DAND5: variants seen among roughly 807,000 people sequenced by gnomAD.
The protein encoded by DAND5 is DAN domain family member 5.
A neutral mutation model predicts 9.2 loss-of-function variants in DAND5; 8 were observed. The ratio of observed to expected loss-of-function variants is 0.87; its 90% CI spans 0.51 to 1.56. DAND5 has a LOEUF of 1.56. DAND5 is among the 40% of genes most tolerant of loss of function. DAND5 has a pLI of 0.00. For missense variants in DAND5, 244 were observed against 244.7 expected (o/e 1.00, Z 0.02); for synonymous variants, 95 against 101.1 (o/e 0.94, Z 0.36).
chr19:12,972,926 T>A (rs368516761), intron 1 of DAND5, among the ~76,000 whole-genome samples: 6 of 146,466 alleles, frequency 4.1e-5, no homozygotes, highest in East Asian at 2.1e-4. Context: ...GCAGTGGCGC[T>A]ATCTCGGCTC....
intron 1 of DAND5, among the ~76,000 whole-genome samples, chr19:12,973,117 C>T (rs980621362): frequency 3.3e-5 from 5 of 152,152 alleles, no homozygotes; most frequent in Admixed American, 1.3e-4. Flanking sequence ...CCGCCTTGGC[C>T]TCCCAAAGTG....
chr19:12,972,988 G>A (rs368627581), intron 1 of DAND5, among the ~76,000 whole-genome samples: 5 of 146,590 alleles, frequency 3.4e-5, no homozygotes, highest in South Asian at 2.3e-4. Flanking sequence ...TCAGTCTCCC[G>A]AGTAGCTGGG....
At position 12,973,493 on chromosome 19, in the gene DAND5, C is replaced by T; in HGVS notation, c.429C>T (p.Val143=). The T allele has an allele frequency of 1.2e-6, 2 of 1,614,172 alleles. No homozygotes were observed. The highest frequency in any genetic ancestry group is 2.2e-5 in the South Asian group (2 of 91,080). ...CTGGCTCGGACCCCACCCCACTAGT[C>T]CTGTGCAACAGCTGTATGCCTGCTC... is the stretch of plus-strand genomic sequence containing the variant. The part of the protein sequence containing the change: ...YIPGSDPTPL[V]LCNSCMPARK... Residue 143 remains valine (V), a synonymous_variant, in exon 2 of 2, where the codon GTC becomes GTT. Transcript: ENST00000317060.
At position 12,973,574 on chromosome 19, in the gene DAND5, T is replaced by TCGA. The variant is rs1322789430; in HGVS notation, c.513_515dup (p.Arg172dup). 3 of 1,613,922 alleles carry TCGA rather than the reference T, an allele frequency of 1.9e-6. No homozygotes were observed. In the African/African-American group the frequency reaches 4.0e-5, roughly 22 times the overall value. The stretch of plus-strand genomic sequence containing the variant: ...GTCTCACTGGCAGCTCAGCCTCCCG[T>TCGA]CGACGGGTGAAGATATCCACCATGC... On this transcript the variant is annotated inframe_insertion, in exon 2 of 2. Transcript: ENST00000317060.
rs942017368 is a variant in DAND5, at chr19:12,973,823, G to T, written c.*189G>T. 32 of 735,416 alleles carry T rather than the reference G, an allele frequency of 4.4e-5. No homozygotes were observed. Among genetic ancestry groups the T allele is most frequent in the Middle Eastern group, 4.0e-4 (1 of 2,516 alleles). 45.6% of individuals were successfully genotyped at this position (735,416 alleles called of 1,614,324 possible). A position where few individuals can be genotyped will look rare whatever the true frequency, so the allele number is the denominator to read the frequency against. ...TAGACACAGTGCCCGTCCTGGAGTTGCACCACTGATAGTCACAGCACACAA... is the reference window on the plus strand; with the variant it reads ...TAGACACAGTGCCCGTCCTGGAGTTTCACCACTGATAGTCACAGCACACAA... On this transcript the variant is annotated 3_prime_UTR_variant, in exon 2 of 2. Transcript: ENST00000317060.
intron 1 of DAND5, among the ~76,000 whole-genome samples, chr19:12,970,840 C>G (rs912356309): frequency 1.3e-5 from 2 of 152,056 alleles, no homozygotes; most frequent in African/African-American, 4.8e-5. Flanking sequence ...ACTACCATGT[C>G]CGGCTAAATT....
intron 1 of DAND5, among the ~76,000 whole-genome samples, chr19:12,972,815 A>G (rs2011151719): frequency 1.3e-5 from 2 of 150,116 alleles, no homozygotes; most frequent in Admixed American, 6.7e-5. Flanking sequence ...TGCTGGGATT[A>G]CAGGCTTGAG....
At chr19:12,970,026 A>G (rs1353409457) in intron 1 of DAND5, 42 bp downstream of exon 1, 17 of 1,606,334 alleles carry the variant, frequency 1.1e-5, no homozygotes, top group Non-Finnish European at 1.4e-5. Flanking sequence ...GGGTCTCACC[A>G]TTGGCAGAAG....
chr19:12,972,895 GCT>G (rs2011152328), intron 1 of DAND5, among the ~76,000 whole-genome samples: 1 of 126,168 alleles, frequency 7.9e-6, no homozygotes, highest in African/African-American at 3.0e-5. Context: ...ACGGAGTCTC[GCT>G]CTGTCCCCAG....
At chr19:12,973,334 G>A (rs1450817234) in intron 1 of DAND5, 55 bp from the exon 2 acceptor site, 19 of 1,583,300 alleles carry the variant, frequency 1.2e-5, no homozygotes, top group African/African-American at 4.0e-5. Context: ...GATTATCCTC[G>A]CCACTCTGGC....
rs2011159290 is a variant in DAND5 at position 12,973,735 on chromosome 19, G to A, written c.*101G>A. 1 of 1,528,848 alleles carries A rather than the reference G, an allele frequency of 6.5e-7. No homozygotes were observed. Among genetic ancestry groups the A allele is most frequent in the Non-Finnish European group, 8.8e-7 (1 of 1,138,814 alleles). The allele number at this position is 1,528,848 out of a possible 1,614,324, so 94.7% of individuals were successfully genotyped here. Reference sequence around the variant, plus strand: ...ACCTGGATGATGTACTCTGGGTCAAGAGACCAGGGATGCAGGGTTAGGCAG... The same window carrying A: ...ACCTGGATGATGTACTCTGGGTCAAAAGACCAGGGATGCAGGGTTAGGCAG... On this transcript the variant is annotated 3_prime_UTR_variant, in exon 2 of 2. Coordinates refer to ENST00000317060, the MANE Select transcript of DAND5 (RefSeq NM_152654.3).
chr19:12,969,811 C>G lies in DAND5; in HGVS notation c.151C>G (p.Leu51Val). Residue 51 changes from leucine (L) to valine (V), a missense_variant, in exon 1 of 2, where the codon CTG (leucine) becomes GTG (valine). By Grantham distance (32) the Leu-to-Val change is conservative. Coordinates refer to ENST00000317060, the MANE Select transcript of DAND5 (RefSeq NM_152654.3). ...TCTGGGCCCAGGGGCCCTGCCCCCACTGGTGCCAGCTTCTGCCCTTGGGAG... is the reference window on the plus strand; with the variant it reads ...TCTGGGCCCAGGGGCCCTGCCCCCAGTGGTGCCAGCTTCTGCCCTTGGGAG... ...WALGPGALPP[L>V]VPASALGSWK... is the part of the protein sequence containing the mutation. 1 of 1,605,104 alleles carries G rather than the reference C, an allele frequency of 6.2e-7. No individual in the cohort carries two copies. Among genetic ancestry groups the G allele is most frequent in the Non-Finnish European group, 8.5e-7 (1 of 1,175,784 alleles).
rs909216594 is a variant in DAND5, at chr19:12,973,822, T to C, written c.*188T>C. 1 of 751,194 alleles carries C rather than the reference T, an allele frequency of 1.3e-6. No individual in the cohort carries two copies. Among genetic ancestry groups the C allele is most frequent in the Non-Finnish European group, 2.1e-6 (1 of 479,642 alleles). The allele number at this position is 751,194 out of a possible 1,614,324, so 46.5% of individuals were successfully genotyped here. A position where few individuals can be genotyped will look rare whatever the true frequency, so the allele number is the denominator to read the frequency against. On this transcript the variant is annotated 3_prime_UTR_variant, in exon 2 of 2. Transcript: ENST00000317060. ...GTAGACACAGTGCCCGTCCTGGAGT[T>C]GCACCACTGATAGTCACAGCACACA...
At position 12,969,620 on chromosome 19, in the gene DAND5, T is replaced by C; in HGVS notation, c.-41T>C. 1 of 1,558,838 alleles carries C rather than the reference T, an allele frequency of 6.4e-7. No individual in the cohort carries two copies. The stretch of plus-strand genomic sequence containing the variant: ...CGACTGCTAGTGACCTTGAGCCCAG[T>C]CCGGACAGACAGACAGGCAGACAGA... On this transcript the variant is annotated 5_prime_UTR_variant, in exon 1 of 2. Coordinates refer to ENST00000317060, the MANE Select transcript of DAND5 (RefSeq NM_152654.3).
chr19:12,973,103 C>A (rs975981680), intron 1 of DAND5, among the ~76,000 whole-genome samples: 1 of 152,006 alleles, frequency 6.6e-6, no homozygotes, highest in Admixed American at 6.6e-5. Flanking sequence ...ACCTCGTGAT[C>A]CGCCCGCCTT....
rs1208266831 is a variant in DAND5 at position 12,973,581 on chromosome 19, G to C, written c.517G>C (p.Val173Leu). 6.2e-7 allele frequency: 1 copy of C among 1,614,150 alleles called. No individual in the cohort carries two copies. Among genetic ancestry groups the C allele is most frequent in the South Asian group, 1.1e-5 (1 of 91,080 alleles). The change falls in exon 2 of 2, where the codon GTG (valine) becomes CTG (leucine). Residue 173 changes from valine to leucine, a missense_variant. Coordinates refer to ENST00000317060, the MANE Select transcript of DAND5 (RefSeq NM_152654.3). The stretch of plus-strand genomic sequence containing the variant: ...TGGCAGCTCAGCCTCCCGTCGACGG[G>C]TGAAGATATCCACCATGCTGATCGA... ...LTGSSASRRR[V>L]KISTMLIEGC...
chr19:12,972,281 G>T (rs964560807), intron 1 of DAND5, among the ~76,000 whole-genome samples: 1 of 151,988 alleles, frequency 6.6e-6, no homozygotes, highest in East Asian at 1.9e-4. Context: ...GGATGGTCTC[G>T]ATCTCCTGAC....
At chr19:12,972,636 G>T (rs2011150987) in intron 1 of DAND5, among the ~76,000 whole-genome samples, 1 of 152,168 alleles carries the variant, frequency 6.6e-6, no homozygotes, top group South Asian at 2.1e-4. Context: ...CACCTCCCAG[G>T]TTCAAGCAAT....
At chr19:12,973,154 G>C (rs529946306) in intron 1 of DAND5, among the ~76,000 whole-genome samples, 1 of 152,174 alleles carries the variant, frequency 6.6e-6, no homozygotes, top group Non-Finnish European at 1.5e-5. Context: ...GAGCCACCGC[G>C]CCCGGCCCTT....
Sources: gnomAD v4.1 joint callset for allele counts (sites outside exome capture counted in the v4.1 genomes callset) on GRCh38, gnomAD v4.1.1 for gene constraint, MANE v1.5 for transcripts, NCBI Gene and HGNC (gene_info 2026-07-23, HGNC 2026-07-21) for gene names.